The following VWC2L variants were observed in gnomAD, a reference collection of about 807,000 sequenced individuals.
VWC2L encodes the protein von Willebrand factor C domain-containing protein 2-like.
VWC2L carries 10 observed loss-of-function variants against 21.6 expected under a neutral mutation model. That is an observed-to-expected ratio of 0.46 (90% CI 0.29 to 0.78). The LOEUF is 0.78. Among genes scored for constraint, VWC2L ranks in the 30% least tolerant of loss-of-function variants. The probability of loss-of-function intolerance (pLI) is 0.10; values close to 1 mark genes in which losing one functional copy is unlikely to be tolerated. For synonymous variants in VWC2L, 96 were observed against 94.3 expected, an observed-to-expected ratio of 1.02 and a Z score of -0.10; for missense variants, 209 against 277.1, an observed-to-expected ratio of 0.75 and a Z score of 1.74.
intron 3 of VWC2L, among the ~76,000 whole-genome samples, chr2:214,547,538 A>C (rs890858141): frequency 6.6e-6 from 1 of 152,202 alleles, no homozygotes; most frequent in African/African-American, 2.4e-5. Flanking sequence ...TTCAAAATAG[A>C]TGCAACAATT....
chr2:214,561,775 C>CA (rs1244158459), intron 3 of VWC2L, among the ~76,000 whole-genome samples: 4 of 102,302 alleles, frequency 3.9e-5, no homozygotes, highest in South Asian at 2.8e-4. Context: ...TACCTTATCT[C>CA]AAAAAAAATT....
intron 3 of VWC2L, among the ~76,000 whole-genome samples, chr2:214,457,599 C>T (rs1273989176): frequency 1.3e-5 from 2 of 151,966 alleles, no homozygotes; most frequent in Non-Finnish European, 2.9e-5. Context: ...CAGCTTCTTC[C>T]CATTCATTAT....
At chr2:214,563,460 T>C (rs1211629724) in intron 3 of VWC2L, among the ~76,000 whole-genome samples, 1 of 144,448 alleles carries the variant, frequency 6.9e-6, no homozygotes, top group Non-Finnish European at 1.5e-5. Context: ...GGCAGGAGAA[T>C]GGCATGAACC....
At chr2:214,551,321 ATCT>A (rs1191109901) in intron 3 of VWC2L, among the ~76,000 whole-genome samples, 1 of 152,172 alleles carries the variant, frequency 6.6e-6, no homozygotes, top group African/African-American at 2.4e-5. Flanking sequence ...AATTTTACAA[ATCT>A]TCTTATTCGT....
chr2:214,482,646 TAA>T (rs1688623160), intron 3 of VWC2L, among the ~76,000 whole-genome samples: 1 of 148,624 alleles, frequency 6.7e-6, no homozygotes, highest in Admixed American at 6.7e-5. Flanking sequence ...AGTTAATAAA[TAA>T]ATATATATAT....
At chr2:214,414,938 T>A (rs1428056148) in intron 2 of VWC2L, 1 of 243,238 alleles carries the variant, frequency 4.1e-6, no homozygotes, top group Non-Finnish European at 7.9e-6. Context: ...AATTTTTTAA[T>A]TGTGTCAGTT....
At chr2:214,538,831 G>A (rs776997969) in intron 3 of VWC2L, among the ~76,000 whole-genome samples, 2 of 152,010 alleles carry the variant, frequency 1.3e-5, no homozygotes, top group Non-Finnish European at 2.9e-5. Context: ...GCTAGAAGTG[G>A]TTAAGTGAGT....
chr2:214,499,193 A>AT (rs1688856992), intron 3 of VWC2L, among the ~76,000 whole-genome samples: 2 of 151,088 alleles, frequency 1.3e-5, no homozygotes, highest in Admixed American at 1.3e-4. Flanking sequence ...TAATTTTTGT[A>AT]TTTTTAGTAG....
At chr2:214,562,099 C>G (rs1039763931) in intron 3 of VWC2L, among the ~76,000 whole-genome samples, 1 of 151,954 alleles carries the variant, frequency 6.6e-6, no homozygotes, top group African/African-American at 2.4e-5. Flanking sequence ...ACTCATCACC[C>G]AGGTATTAAG....
chr2:214,420,584 C>A (rs1013852066), intron 2 of VWC2L, among the ~76,000 whole-genome samples: 2 of 152,036 alleles, frequency 1.3e-5, no homozygotes, highest in Admixed American at 6.6e-5. Flanking sequence ...AAGTATGAAG[C>A]CTGTATTTAT....
chr2:214,461,787 T>TGGCG (rs908597831), intron 3 of VWC2L, among the ~76,000 whole-genome samples: 52 of 152,234 alleles, frequency 3.4e-4, no homozygotes, highest in African/African-American at 1.2e-3. Flanking sequence ...GTAATGGCAG[T>TGGCG]GGCGGCAGTG....
chr2:214,513,861 G>T (rs1418795009), intron 3 of VWC2L, among the ~76,000 whole-genome samples: 1 of 152,106 alleles, frequency 6.6e-6, no homozygotes, highest in African/African-American at 2.4e-5. Flanking sequence ...ATTCTCAGGT[G>T]TATGAAGTCT....
chr2:214,416,802 G>A (rs1363587713), intron 2 of VWC2L, among the ~76,000 whole-genome samples: 2 of 152,046 alleles, frequency 1.3e-5, no homozygotes, highest in African/African-American at 2.4e-5. Flanking sequence ...CTTAGGAGGA[G>A]AGGTTGGAAA....
At chr2:214,546,906 C>G (rs1279994303) in intron 3 of VWC2L, among the ~76,000 whole-genome samples, 1 of 152,096 alleles carries the variant, frequency 6.6e-6, no homozygotes, top group Non-Finnish European at 1.5e-5. Flanking sequence ...AGGACAAAAC[C>G]TACTTTCAGC....
At chr2:214,431,986 T>C (rs1176326140) in intron 2 of VWC2L, among the ~76,000 whole-genome samples, 1 of 152,216 alleles carries the variant, frequency 6.6e-6, no homozygotes, top group Non-Finnish European at 1.5e-5. Flanking sequence ...TGAGTTTATG[T>C]GCATTGCCAT....
intron 2 of VWC2L, 142 bp downstream of exon 2, chr2:214,414,725 G>T: frequency 1.1e-6 from 1 of 905,458 alleles, no homozygotes; most frequent in Non-Finnish European, 1.6e-6. Flanking sequence ...ATTACCATAA[G>T]TAGCACCATG....
intron 3 of VWC2L, chr2:214,533,869 C>A (rs1474730122): frequency 6.6e-6 from 1 of 152,114 alleles, no homozygotes; most frequent in Non-Finnish European, 1.5e-5. Flanking sequence ...AGCCATAAAC[C>A]TTCCAAGTAA....
At chr2:214,515,128 T>C (rs544886650) in intron 3 of VWC2L, among the ~76,000 whole-genome samples, 32 of 152,206 alleles carry the variant, frequency 2.1e-4, no homozygotes, top group African/African-American at 7.5e-4. Flanking sequence ...AAATTAAAGG[T>C]TAGGATTGCA....
In VWC2L at chr2:214,571,645, A is replaced by C. The variant is rs1252715826; in HGVS notation, c.521-4027A>C. Among the ~76,000 whole-genome samples the C allele has an allele frequency of 2.0e-5, 3 of 152,184 alleles. No homozygotes were observed. In the East Asian group the frequency reaches 5.8e-4, roughly 29 times the overall value. On this transcript the variant is annotated intron_variant, in intron 3 of 3. Coordinates refer to ENST00000312504, the MANE Select transcript of VWC2L (RefSeq NM_001080500.4). ...ACAGTAGTAGACCTGGACCATAAGAAATAACAAACCTTCAGTTCCTGTCTT... is the reference window on the plus strand; with the variant it reads ...ACAGTAGTAGACCTGGACCATAAGACATAACAAACCTTCAGTTCCTGTCTT...
Sources: allele counts gnomAD v4.1 joint callset (sites outside exome capture counted in the v4.1 genomes callset), GRCh38; gene constraint gnomAD v4.1.1; transcripts MANE v1.5; gene names NCBI Gene and HGNC (gene_info 2026-07-23, HGNC 2026-07-21).